LHFPL1: variants seen among roughly 807,000 people sequenced by gnomAD.
The protein encoded by LHFPL1 is LHFPL tetraspan subfamily member 1, also known as LHFPL tetraspan subfamily member 1 protein.
In LHFPL1, 4 loss-of-function variants were observed where a neutral mutation model predicts 12.1. The ratio of observed to expected loss-of-function variants is 0.33; its 90% confidence interval spans 0.16 to 0.76. LHFPL1 has a LOEUF of 0.76. Ranked by LOEUF, LHFPL1 falls within the 30% of genes least tolerant of loss-of-function variation. The probability of loss-of-function intolerance (pLI) is 0.61; values close to 1 mark genes in which losing one functional copy is unlikely to be tolerated. For synonymous variants in LHFPL1, 52 were observed against 61.9 expected (o/e 0.84, Z 0.75); for missense variants, 141 against 174.1 (o/e 0.81, Z 1.07).
intron 2 of LHFPL1, among the ~76,000 whole-genome samples, chrX:112,665,161 T>C (rs1468290407): frequency 1.8e-5 from 2 of 109,639 alleles, no homozygotes; most frequent in African/African-American, 3.3e-5. Context: ...CAACCACATA[T>C]GCCCCTTGAA....
Position 112,670,990 on chromosome X carries a change from C to T in LHFPL1, c.382+19G>A. Reference sequence around the variant, plus strand: ...CCCAAAGCTACCCAACCTACCCAATCCCAGAAGCACAGTCTTACCTCCAAC... The same window carrying T: ...CCCAAAGCTACCCAACCTACCCAATTCCAGAAGCACAGTCTTACCTCCAAC... On this transcript the variant is annotated intron_variant, in intron 2 of 3. Coordinates refer to ENST00000371968, the MANE Select transcript of LHFPL1 (RefSeq NM_178175.4). 8.4e-7 allele frequency: 1 copy of T among 1,194,864 alleles called. No homozygotes were observed. The highest frequency in any genetic ancestry group is 1.1e-6 in the Non-Finnish European group (1 of 884,241).
intron 3 of LHFPL1, among the ~76,000 whole-genome samples, chrX:112,648,009 T>A (rs1483814886): frequency 9.0e-6 from 1 of 111,134 alleles, no homozygotes; most frequent in Non-Finnish European, 1.9e-5. Context: ...AAAGGATGAG[T>A]TCATGTCCTT....
At chrX:112,640,364 C>T (rs1483788370) in intron 3 of LHFPL1, among the ~76,000 whole-genome samples, 1 of 111,027 alleles carries the variant, frequency 9.0e-6, no homozygotes, top group Admixed American at 9.6e-5. Context: ...GCATTCCCAG[C>T]AAAGGGAGTA....
At position 112,665,407 on chromosome X, in the gene LHFPL1, T is replaced by A. The variant is rs755365916; in HGVS notation, c.383-4682A>T. 6.3e-5 allele frequency among the ~76,000 whole-genome samples: 7 copies of A among 111,474 alleles called. No homozygotes were observed. In the Admixed American group the frequency reaches 6.7e-4, roughly 11 times the overall value. On this transcript the variant is annotated intron_variant, in intron 2 of 3. Transcript: ENST00000371968. ...GGTTTCACCATGTTGCCCAGGCTGG[T>A]GTCAGACTCCTGAGCGCAGGCAATC... is the stretch of plus-strand genomic sequence containing the variant.
intron 2 of LHFPL1, 45 bp downstream of exon 2, chrX:112,670,964 C>A (rs1383957779): frequency 8.5e-7 from 1 of 1,175,169 alleles, no homozygotes; most frequent in Non-Finnish European, 1.1e-6. Context: ...CTCCTCCCTG[C>A]CCCAAAGCTA....
intron 1 of LHFPL1, among the ~76,000 whole-genome samples, chrX:112,672,275 A>G (rs1443980764): frequency 8.9e-6 from 1 of 112,074 alleles, no homozygotes; most frequent in African/African-American, 3.2e-5. Flanking sequence ...ACCTTGCAGC[A>G]GGAACATATA....
rs1188755576 is a variant in LHFPL1 at position 112,630,894 on chromosome X, G to A, written c.*526C>T. On this transcript the variant is annotated 3_prime_UTR_variant, in exon 4 of 4. Coordinates refer to ENST00000371968, the MANE Select transcript of LHFPL1 (RefSeq NM_178175.4). Reference sequence around the variant, plus strand: ...TGATTAATGTTTTCCCCACCACTGGGAATCACCCTCCCCCGCTCCCCTGAA... The same window carrying A: ...TGATTAATGTTTTCCCCACCACTGGAAATCACCCTCCCCCGCTCCCCTGAA... 1.8e-5 allele frequency: 2 copies of A among 111,729 alleles called. No individual in the cohort carries two copies. Among genetic ancestry groups the A allele is most frequent in the Non-Finnish European group, 3.8e-5 (2 of 53,174 alleles). 9.2% of individuals were successfully genotyped at this position (111,729 alleles called of 1,213,427 possible).
chrX:112,675,731 G>A (rs1473106267), intron 1 of LHFPL1, among the ~76,000 whole-genome samples: 1 of 111,429 alleles, frequency 9.0e-6, no homozygotes, highest in Admixed American at 9.6e-5. Flanking sequence ...AAAAACCTTG[G>A]ATGAAATGGT....
chrX:112,655,501 T>C (rs200194485), intron 3 of LHFPL1, among the ~76,000 whole-genome samples: 2 of 112,197 alleles, frequency 1.8e-5, no homozygotes, highest in East Asian at 5.6e-4. Context: ...TCTCTTCATA[T>C]AGGAGGCTGC....
rs763693671 is a variant in LHFPL1, at chrX:112,640,795, G to A, written c.482-9194C>T. Among the ~76,000 whole-genome samples, 3 of 103,371 alleles carry A rather than the reference G, an allele frequency of 2.9e-5. No individual in the cohort carries two copies. The South Asian group carries it at 1.3e-3, about 44-fold the overall frequency. 89.8% of individuals were successfully genotyped at this position (103,371 alleles called of 115,157 possible). On this transcript the variant is annotated intron_variant, in intron 3 of 3. Coordinates refer to ENST00000371968, the MANE Select transcript of LHFPL1 (RefSeq NM_178175.4). ...ATTTGTGATTGACATCATTATGGCT[G>A]CTTTTGTTAGATTCCATCTGTGTGT...
intron 3 of LHFPL1, among the ~76,000 whole-genome samples, chrX:112,657,909 C>CAAAAAAA (rs57793060): frequency 8.2e-5 from 5 of 61,303 alleles, no homozygotes; most frequent in Non-Finnish European, 1.5e-4. Context: ...AAAACAGAAG[C>CAAAAAAA]AAAAAAAAAA....
intron 1 of LHFPL1, among the ~76,000 whole-genome samples, chrX:112,676,728 T>G (rs780403899): frequency 8.9e-6 from 1 of 112,290 alleles, no homozygotes; most frequent in Non-Finnish European, 1.9e-5. Context: ...TCCATTACTT[T>G]TAAAGAACTC....
chrX:112,640,520 G>A (rs941932795), intron 3 of LHFPL1, among the ~76,000 whole-genome samples: 1 of 111,662 alleles, frequency 9.0e-6, no homozygotes, highest in African/African-American at 3.3e-5. Context: ...GAAGGCAATG[G>A]GGAACCACTG....
At chrX:112,671,621 C>T (rs753781806) in intron 1 of LHFPL1, among the ~76,000 whole-genome samples, 139 of 112,104 alleles carry the variant, frequency 1.2e-3, no homozygotes, top group African/African-American at 4.2e-3. Context: ...TTCCTTCTGC[C>T]TGATTTAGAG....
chrX:112,664,175 T>G (rs765004802), intron 2 of LHFPL1, among the ~76,000 whole-genome samples: 1 of 112,448 alleles, frequency 8.9e-6, no homozygotes, highest in South Asian at 3.7e-4. Flanking sequence ...TTAAAAATAT[T>G]TTTGAGTTAT....
chrX:112,675,988 G>T (rs1240597929), intron 1 of LHFPL1, among the ~76,000 whole-genome samples: 2 of 112,187 alleles, frequency 1.8e-5, no homozygotes, highest in Non-Finnish European at 3.8e-5. Flanking sequence ...TTACTTAATA[G>T]CTTCTGAACA....
At chrX:112,650,028 G>T (rs1170652540) in intron 3 of LHFPL1, among the ~76,000 whole-genome samples, 2 of 109,753 alleles carry the variant, frequency 1.8e-5, no homozygotes, top group Admixed American at 2.0e-4. Context: ...GGACCTATTT[G>T]GGTGTCCCCT....
chrX:112,654,228 G>A (rs1441298952), intron 3 of LHFPL1, among the ~76,000 whole-genome samples: 5 of 112,060 alleles, frequency 4.5e-5, no homozygotes. Flanking sequence ...ACCTAAATGT[G>A]CATAAAGAAG....
At chrX:112,664,182 T>A (rs1262555195) in intron 2 of LHFPL1, among the ~76,000 whole-genome samples, 1 of 112,344 alleles carries the variant, frequency 8.9e-6, no homozygotes, top group Admixed American at 9.4e-5. Flanking sequence ...TATTTTTGAG[T>A]TATGGTTGGT....
Sources: gnomAD v4.1 joint callset for allele counts (sites outside exome capture counted in the v4.1 genomes callset) on GRCh38, gnomAD v4.1.1 for gene constraint, MANE v1.5 for transcripts, NCBI Gene and HGNC (gene_info 2026-07-23, HGNC 2026-07-21) for gene names.